Variants in PCDH15 observed in about 807,000 individuals in gnomAD.
PCDH15 encodes protocadherin related 15, also known as protocadherin-15.
A neutral mutation model predicts 178.5 loss-of-function variants in PCDH15; 129 were observed. The observed-to-expected ratio is 0.72, with a 90% CI of 0.63 to 0.84. PCDH15 has a LOEUF of 0.84. PCDH15 is among the 40% of genes least tolerant of loss of function. The pLI, the probability that PCDH15 is intolerant of heterozygous loss-of-function variation, is 0.00. For synonymous variants in PCDH15, 800 were observed against 732.0 expected (o/e 1.09, Z -1.50); for missense variants, 2,230 against 2,099.9 (o/e 1.06, Z -1.21).
intron 2 of PCDH15, among the ~76,000 whole-genome samples, chr10:55,123,021 T>C (rs78654060): frequency 1.3e-5 from 2 of 152,058 alleles, no homozygotes; most frequent in African/African-American, 2.4e-5. Flanking sequence ...TCCTAGATTA[T>C]TCAATACAGA....
intron 2 of PCDH15, among the ~76,000 whole-genome samples, chr10:55,141,638 G>C (rs1233976610): frequency 6.6e-6 from 1 of 151,994 alleles, no homozygotes; most frequent in Non-Finnish European, 1.5e-5. Flanking sequence ...ACAGTAAAAT[G>C]CTTTTATATT....
chr10:55,557,117 T>A lies in PCDH15; in HGVS notation c.-156+70508A>T, dbSNP rs115466500. Among the ~76,000 whole-genome samples the A allele has an allele frequency of 4.6e-3, 702 of 152,226 alleles. 6 individuals are homozygous for A. The highest frequency in any genetic ancestry group is 0.016 in the African/African-American group (669 of 41,542). On this transcript the variant is annotated intron_variant, in intron 2 of 5. Transcript: ENST00000613346. ...ACCAGTTTTAATATAGCCAAACTTA[T>A]CTATCTTTTAATGTCTTCTGCTTTT... is the stretch of plus-strand genomic sequence containing the variant.
At chr10:54,408,490 A>T (rs56168968) in intron 3 of PCDH15, among the ~76,000 whole-genome samples, 72,117 of 151,346 alleles carry the variant, frequency 0.48, 17,795 homozygotes, top group Non-Finnish European at 0.53. Context: ...AAATCTATTA[A>T]CATGTTTTAC....
intron 23 of PCDH15, among the ~76,000 whole-genome samples, chr10:53,958,752 A>G (rs2135717): frequency 0.7 from 106,160 of 151,654 alleles, 37,471 homozygotes; most frequent in East Asian, 0.87. Flanking sequence ...AGGCTGAGGC[A>G]GGTGGATCAG....
intron 2 of PCDH15, among the ~76,000 whole-genome samples, chr10:55,132,114 T>G (rs1838067353): frequency 1.3e-5 from 2 of 152,100 alleles, no homozygotes; most frequent in African/African-American, 2.4e-5. Context: ...CTCCATGGAG[T>G]GTGTAGCCCC....
chr10:54,417,905 T>A (rs1954682023), intron 3 of PCDH15, among the ~76,000 whole-genome samples: 1 of 152,162 alleles, frequency 6.6e-6, no homozygotes, highest in South Asian at 2.1e-4. Flanking sequence ...GCTATTTGTT[T>A]ATTTATTTCA....
chr10:55,213,081 A>C (rs1840610981), intron 1 of PCDH15, among the ~76,000 whole-genome samples: 1 of 152,114 alleles, frequency 6.6e-6, no homozygotes, highest in Non-Finnish European at 1.5e-5. Flanking sequence ...AAAATAGCAT[A>C]ATGGTTCTTT....
intron 2 of PCDH15, among the ~76,000 whole-genome samples, chr10:54,661,901 T>G (rs2135395649): frequency 6.6e-6 from 1 of 152,022 alleles, no homozygotes; most frequent in Non-Finnish European, 1.5e-5. Flanking sequence ...ATGCAAAAAT[T>G]AACTCGATGA....
intron 3 of PCDH15, among the ~76,000 whole-genome samples, chr10:54,813,802 A>T (rs373988542): frequency 5.9e-5 from 9 of 152,284 alleles, no homozygotes; most frequent in Admixed American, 2.0e-4. Context: ...TTTAGAATCC[A>T]TTACTGTTTT....
chr10:55,519,911 T>C (rs1329621911), intron 2 of PCDH15, among the ~76,000 whole-genome samples: 1 of 151,086 alleles, frequency 6.6e-6, no homozygotes, highest in Non-Finnish European at 1.5e-5. Context: ...ATATGTGATA[T>C]TGAATGTTAC....
chr10:55,023,621 T>G (rs2131957553), intron 2 of PCDH15, among the ~76,000 whole-genome samples: 1 of 152,232 alleles, frequency 6.6e-6, no homozygotes, highest in South Asian at 2.1e-4. Context: ...ATTTCTGCTA[T>G]TTATATCTCA....
intron 2 of PCDH15, among the ~76,000 whole-genome samples, chr10:54,529,614 T>A (rs1309790287): frequency 6.6e-6 from 1 of 152,138 alleles, no homozygotes; most frequent in Non-Finnish European, 1.5e-5. Context: ...GTTGCTGGAA[T>A]GTAGCCTGTA....
chr10:55,450,955 C>CTATATA (rs56986885), intron 2 of PCDH15, among the ~76,000 whole-genome samples: 12,327 of 121,744 alleles, frequency 0.1, 774 homozygotes, highest in Middle Eastern at 0.14. Context: ...GGGGTAAGAA[C>CTATATA]TATATATATA....
intron 6 of PCDH15, among the ~76,000 whole-genome samples, chr10:54,345,801 C>CA (rs540507383): frequency 0.023 from 1,193 of 52,492 alleles, 134 homozygotes; most frequent in East Asian, 0.042. Flanking sequence ...GACTCCGTCT[C>CA]AAAAAAAAAA....
chr10:55,201,803 T>C (rs573488069), intron 1 of PCDH15, among the ~76,000 whole-genome samples: 14 of 152,212 alleles, frequency 9.2e-5, no homozygotes, highest in Non-Finnish European at 1.9e-4. Context: ...GGTGGAATAC[T>C]GCTTTTTCTT....
intron 14 of PCDH15, among the ~76,000 whole-genome samples, chr10:54,151,706 T>A (rs79536152): frequency 6.6e-6 from 1 of 152,104 alleles, no homozygotes; most frequent in Non-Finnish European, 1.5e-5. Flanking sequence ...TGTTCTTGGA[T>A]AGAAAGATTC....
At chr10:54,352,353 CA>C (rs1394247285) in intron 5 of PCDH15, among the ~76,000 whole-genome samples, 1 of 151,992 alleles carries the variant, frequency 6.6e-6, no homozygotes, top group African/African-American at 2.4e-5. Context: ...ACAATTGGTA[CA>C]AAAGGATATT....
At chr10:54,266,224 G>T (rs7072468) in intron 8 of PCDH15, among the ~76,000 whole-genome samples, 106,439 of 151,272 alleles carry the variant, frequency 0.7, 38,323 homozygotes, top group Middle Eastern at 0.76. Flanking sequence ...GGGTAAACAA[G>T]AAAATTAAGG....
At chr10:54,898,971 A>C (rs1435083464) in intron 2 of PCDH15, among the ~76,000 whole-genome samples, 2 of 152,212 alleles carry the variant, frequency 1.3e-5, no homozygotes, top group African/African-American at 2.4e-5. Flanking sequence ...CTTGGAGATC[A>C]TGGAGACTGA....
Sources: allele counts gnomAD v4.1 joint callset (sites outside exome capture counted in the v4.1 genomes callset), GRCh38; gene constraint gnomAD v4.1.1; transcripts MANE v1.5; gene names NCBI Gene and HGNC (gene_info 2026-07-23, HGNC 2026-07-21).